The following SLC44A3 variants were observed in gnomAD, a reference collection of about 807,000 sequenced individuals.
The protein encoded by SLC44A3 is choline transporter-like protein 3.
In SLC44A3, 74 loss-of-function variants were observed where a neutral mutation model predicts 75.4. The observed-to-expected ratio is 0.98, with a 90% confidence interval of 0.81 to 1.19. The LOEUF (loss-of-function observed/expected upper bound fraction) is 1.19, where lower values mean the gene tolerates loss of function less well. SLC44A3 is among the 50% of genes most tolerant of loss of function. The probability of loss-of-function intolerance (pLI) is 0.00; values close to 1 mark genes in which losing one functional copy is unlikely to be tolerated. For missense variants in SLC44A3, 700 were observed against 778.6 expected (o/e 0.90, Z 1.20); for synonymous variants, 310 against 296.9 (o/e 1.04, Z -0.45).
intron 9 of SLC44A3, among the ~76,000 whole-genome samples, chr1:94,848,165 G>A (rs539762952): frequency 1.3e-5 from 2 of 151,632 alleles, no homozygotes; most frequent in Non-Finnish European, 2.9e-5. Context: ...GGAGGCGGAG[G>A]GTGCAGTGAG....
At position 94,892,517 on chromosome 1, in the gene SLC44A3, G is replaced by C; in HGVS notation, c.1857G>C (p.Leu619=). The change falls in exon 14 of 15, where the codon CTG becomes CTC. Residue 619 remains leucine (L), a splice_region_variant and synonymous_variant. Coordinates refer to ENST00000271227, the MANE Select transcript of SLC44A3 (RefSeq NM_001114106.3). Reference sequence around the variant, plus strand: ...CCTACTTTATGGATCAAGAATTTCTGGTAAGCAAACATTTCATTTCCAATT... The same window carrying C: ...CCTACTTTATGGATCAAGAATTTCTCGTAAGCAAACATTTCATTTCCAATT... ...EKPYFMDQEF[L]SFVKRSNKLN... 1 of 1,613,098 alleles carries C rather than the reference G, an allele frequency of 6.2e-7. No homozygotes were observed. The highest frequency in any genetic ancestry group is 8.5e-7 in the Non-Finnish European group (1 of 1,179,484).
chr1:94,872,892 T>C (rs966440870), intron 12 of SLC44A3, among the ~76,000 whole-genome samples: 3 of 152,206 alleles, frequency 2.0e-5, no homozygotes, highest in African/African-American at 7.2e-5. Context: ...TGATATACCT[T>C]GTATCCATGG....
At position 94,892,422 on chromosome 1, in the gene SLC44A3, A is replaced by G. The variant is rs1245325589; in HGVS notation, c.1762A>G (p.Thr588Ala). 3.1e-6 allele frequency: 5 copies of G among 1,614,118 alleles called. No individual in the cohort carries two copies. The South Asian group carries it at 5.5e-5, about 18-fold the overall frequency. ...VAHSFLSVFE[T>A]VLDALFLCFA... ...CCATAGTTTTTTATCTGTGTTTGAA[A>G]CTGTGCTGGATGCACTTTTCCTGTG... Residue 588 changes from threonine to alanine, a missense_variant, in exon 14 of 15, where the codon ACT (threonine) becomes GCT (alanine). Coordinates refer to ENST00000271227, the MANE Select transcript of SLC44A3 (RefSeq NM_001114106.3).
chr1:94,864,746 T>TA lies in SLC44A3; in HGVS notation c.1247dup (p.Asn416LysfsTer2). 1 of 1,612,080 alleles carries TA rather than the reference T, an allele frequency of 6.2e-7. No homozygotes were observed. The highest frequency in any genetic ancestry group is 8.5e-7 in the Non-Finnish European group (1 of 1,179,256). ...CTATCCTTTTCCCTATTTCCAGAAG[T>TA]AAAAATGATCCTCCTGATCATCCCA... On this transcript the variant is annotated frameshift_variant, in exon 11 of 15. Transcript: ENST00000271227. LOFTEE classifies it high-confidence loss of function.
rs1226365587 is a variant in SLC44A3, at chr1:94,894,766, A to G, written c.1858-52A>G. ...GAAGTTTTCCCTCGGCCCCTACGTT[A>G]TCAACAGTACAGACACATAATACTA... On this transcript the variant is annotated intron_variant, in intron 14 of 14. Transcript: ENST00000271227. 6.7e-6 allele frequency: 10 copies of G among 1,490,022 alleles called. No homozygotes were observed. The Admixed American group carries it at 7.4e-5, about 11-fold the overall frequency. 92.3% of individuals were successfully genotyped at this position (1,490,022 alleles called of 1,614,324 possible). A position where few individuals can be genotyped will look rare whatever the true frequency, so the allele number is the denominator to read the frequency against.
chr1:94,843,829 A>G lies in SLC44A3; in HGVS notation c.886-1449A>G, dbSNP rs535132504. ...CACCATCTTTGTGTTTGCGCTTTAC[A>G]AAGGTCCCCTTAGCTGTGGAGTGGA... On this transcript the variant is annotated intron_variant, in intron 8 of 14. Transcript: ENST00000271227. Among the ~76,000 whole-genome samples the G allele has an allele frequency of 8.4e-5, 12 of 143,346 alleles. No homozygotes were observed. The South Asian group carries it at 1.5e-3, about 18-fold the overall frequency. The allele number at this position is 143,346 out of a possible 152,430, so 94.0% of individuals were successfully genotyped here.
At chr1:94,864,505 A>T (rs1169831605) in intron 10 of SLC44A3, among the ~76,000 whole-genome samples, 3 of 152,118 alleles carry the variant, frequency 2.0e-5, no homozygotes, top group Non-Finnish European at 1.5e-5. Context: ...AACTTTTTTA[A>T]CTCATCAATT....
intron 12 of SLC44A3, among the ~76,000 whole-genome samples, chr1:94,886,390 C>T (rs1382740144): frequency 6.6e-6 from 1 of 152,084 alleles, no homozygotes; most frequent in Non-Finnish European, 1.5e-5. Context: ...TGCATCAGCC[C>T]CACCCACCGA....
intron 10 of SLC44A3, among the ~76,000 whole-genome samples, chr1:94,862,836 C>G (rs1666735904): frequency 6.6e-6 from 1 of 152,136 alleles, no homozygotes; most frequent in African/African-American, 2.4e-5. Flanking sequence ...ATGTTGTCCC[C>G]CAGGTCAATT....
At chr1:94,877,981 TC>T (rs1571413729) in intron 12 of SLC44A3, among the ~76,000 whole-genome samples, 3 of 152,114 alleles carry the variant, frequency 2.0e-5, no homozygotes, top group Non-Finnish European at 4.4e-5. Context: ...ACACCTGTAA[TC>T]CCAGCACTTT....
chr1:94,882,900 A>G (rs528037859), intron 12 of SLC44A3, among the ~76,000 whole-genome samples: 4 of 148,786 alleles, frequency 2.7e-5, no homozygotes, highest in Non-Finnish European at 5.9e-5. Flanking sequence ...TCTAGGTGAT[A>G]TCTAGGATGC....
At chr1:94,850,843 A>G (rs1046635263) in intron 9 of SLC44A3, among the ~76,000 whole-genome samples, 2 of 152,236 alleles carry the variant, frequency 1.3e-5, no homozygotes, top group Admixed American at 6.5e-5. Flanking sequence ...GGCACATTCA[A>G]TAACACAATT....
intron 12 of SLC44A3, among the ~76,000 whole-genome samples, chr1:94,882,725 G>A (rs1317025251): frequency 2.0e-5 from 3 of 151,926 alleles, no homozygotes; most frequent in Non-Finnish European, 4.4e-5. Context: ...GCAAGATGCC[G>A]TTGCCTAATG....
chr1:94,827,301 A>T, intron 3 of SLC44A3: 1 of 602,018 alleles, frequency 1.7e-6, no homozygotes. Flanking sequence ...AAGCTTTGTT[A>T]ATGTTTTTGG....
rs1046549681 is a variant in SLC44A3 at position 94,821,137 on chromosome 1, A to G, written c.135+81A>G. 3.8e-6 allele frequency: 4 copies of G among 1,063,606 alleles called. No individual in the cohort carries two copies. The African/African-American group carries it at 6.3e-5, about 17-fold the overall frequency. The allele number at this position is 1,063,606 out of a possible 1,614,324, so 65.9% of individuals were successfully genotyped here. On this transcript the variant is annotated intron_variant, in intron 2 of 14. Coordinates refer to ENST00000271227, the MANE Select transcript of SLC44A3 (RefSeq NM_001114106.3). ...TAACTCTGTCCCAAATGTAAATCGT[A>G]GTTGGTGCTGCAGTGAGAGACTTCT...
chr1:94,864,938 G>C (rs768158369), intron 11 of SLC44A3, 39 bp downstream of exon 11: 1 of 1,594,656 alleles, frequency 6.3e-7, no homozygotes, highest in Non-Finnish European at 8.5e-7. Context: ...TTCTGTGTTT[G>C]GGTTGCCAGA....
At chr1:94,840,166 A>G in intron 7 of SLC44A3, 129 bp downstream of exon 7, 1 of 758,056 alleles carries the variant, frequency 1.3e-6, no homozygotes, top group Non-Finnish European at 2.2e-6. Context: ...CTGTCACTTT[A>G]CAAATGAGAA....
At chr1:94,872,950 C>T (rs1042751005) in intron 12 of SLC44A3, among the ~76,000 whole-genome samples, 1 of 152,174 alleles carries the variant, frequency 6.6e-6, no homozygotes, top group African/African-American at 2.4e-5. Context: ...TTCATGTTGC[C>T]TCAATTCTGA....
rs1034524626 is a variant in SLC44A3, at chr1:94,821,009, A to T, written c.88A>T (p.Thr30Ser). 1 of 1,551,476 alleles carries T rather than the reference A, an allele frequency of 6.4e-7. No individual in the cohort carries two copies. Among genetic ancestry groups the T allele is most frequent in the Non-Finnish European group, 8.7e-7 (1 of 1,146,930 alleles). ...GCGACCCCAGATTTATAGGAAATGC[A>T]CAGATACGGCATGGTTATTCCTGTT... ...EWRPQIYRKC[T>S]DTAWLFLFFL... The change falls in exon 2 of 15, where the codon ACA (threonine) becomes TCA (serine). Residue 30 changes from threonine (T) to serine (S), a missense_variant. By Grantham distance (58) the Thr-to-Ser change is moderately conservative. Transcript: ENST00000271227.
Sources: gnomAD v4.1 joint callset for allele counts (sites outside exome capture counted in the v4.1 genomes callset) on GRCh38, gnomAD v4.1.1 for gene constraint, MANE v1.5 for transcripts, NCBI Gene and HGNC (gene_info 2026-07-23, HGNC 2026-07-21) for gene names.